NAP1L3: variants seen among roughly 807,000 people sequenced by gnomAD.
NAP1L3 encodes nucleosome assembly protein 1-like 3.
For missense variants in NAP1L3, 378 were observed against 369.9 expected (o/e 1.02, Z -0.18); for synonymous variants, 127 against 131.9 (o/e 0.96, Z 0.25).
chrX:93,673,235 T>G lies in NAP1L3; in HGVS notation c.70A>C (p.Ser24Arg). The change falls in exon 1 of 1, where the codon AGC becomes CGC. Residue 24 changes from serine to arginine, a missense_variant. Ser to Arg is a moderately radical substitution (Grantham distance 110). Transcript: ENST00000373079. ...AHGVAEEEMA[S>R]STSDSGEESD... is the part of the protein sequence containing the mutation. Reference sequence around the variant, plus strand: ...TCTTCCCCAGAATCACTAGTCGAGCTAGCCATCTCCTCTTCGGCAACCCCA... The same window carrying G: ...TCTTCCCCAGAATCACTAGTCGAGCGAGCCATCTCCTCTTCGGCAACCCCA... 1 of 1,210,209 alleles carries G rather than the reference T, an allele frequency of 8.3e-7. No individual in the cohort carries two copies. The highest frequency in any genetic ancestry group is 1.1e-6 in the Non-Finnish European group (1 of 894,371).
rs1001253882 is a variant in NAP1L3, at chrX:93,671,039, C to T, written c.*745G>A. On this transcript the variant is annotated 3_prime_UTR_variant, in exon 1 of 1. Coordinates refer to ENST00000373079, the MANE Select transcript of NAP1L3 (RefSeq NM_004538.6). ...ATTTTCAGTGAAAGGGAAGGTAGAA[C>T]ACAATACAAAGAAAACACGGTATCT... 1.8e-5 allele frequency: 2 copies of T among 111,765 alleles called. No homozygotes were observed. The highest frequency in any genetic ancestry group is 5.6e-4 in the East Asian group (2 of 3,574). The allele number at this position is 111,765 out of a possible 1,213,427, so 9.2% of individuals were successfully genotyped here.
At position 93,671,571 on chromosome X, in the gene NAP1L3, T is replaced by C. The variant is rs1443310791; in HGVS notation, c.*213A>G. ...ACAACAGCTTACATATTTTGAAGAA[T>C]ATTATACTACAACAGCCTAGATAGA... On this transcript the variant is annotated 3_prime_UTR_variant, in exon 1 of 1. Transcript: ENST00000373079. 4.3e-5 allele frequency: 20 copies of C among 460,475 alleles called. No individual in the cohort carries two copies. The highest frequency in any genetic ancestry group is 3.5e-4 in the Admixed American group (7 of 19,900). 37.9% of individuals were successfully genotyped at this position (460,475 alleles called of 1,213,427 possible). A position where few individuals can be genotyped will look rare whatever the true frequency, so the allele number is the denominator to read the frequency against.
Position 93,672,741 on chromosome X carries a change from T to G in NAP1L3, c.564A>C (p.Leu188Phe). 1 of 1,211,067 alleles carries G rather than the reference T, an allele frequency of 8.3e-7. No homozygotes were observed. ...TAGGGTTTTCTTCTTCCTCACCCTC[T>G]AAGGGAGGCATTTCACTAGGGGTGT... ...QDNTPSEMPP[L>F]EGEEEENPKE... Residue 188 changes from leucine to phenylalanine, a missense_variant, in exon 1 of 1, where the codon TTA becomes TTC. Transcript: ENST00000373079.
In NAP1L3 at chrX:93,672,423, A is replaced by G. The variant is rs1291843524; in HGVS notation, c.882T>C (p.Asp294=). 2 of 1,211,493 alleles carry G rather than the reference A, an allele frequency of 1.7e-6. No homozygotes were observed. Among genetic ancestry groups the G allele is most frequent in the Admixed American group, 4.3e-5 (2 of 46,023 alleles). The change falls in exon 1 of 1, where the codon GAT becomes GAC. Residue 294 remains aspartate, a synonymous_variant. Transcript: ENST00000373079. The part of the protein sequence containing the change: ...VPEERLQDSV[D]LKRARKGKPK... ...GCTTTCCCTTCCTAGCTCTTTTAAG[A>G]TCTACACTGTCCTGAAGCCTTTCCT...
At position 93,672,311 on chromosome X, in the gene NAP1L3, A is replaced by G. The variant is rs774610079; in HGVS notation, c.994T>C (p.Tyr332His). 1.2e-5 allele frequency: 15 copies of G among 1,209,638 alleles called. No homozygotes were observed. In the Admixed American group the frequency reaches 3.1e-4, roughly 25 times the overall value. Residue 332 changes from tyrosine (Y) to histidine (H), a missense_variant, in exon 1 of 1, where the codon TAT (tyrosine) becomes CAT (histidine). By Grantham distance (83) the Tyr-to-His change is moderately conservative. Coordinates refer to ENST00000373079, the MANE Select transcript of NAP1L3 (RefSeq NM_004538.6). ...VDKLGPMIQK[Y>H]DEPILKFLSD... ...AAGAACTTCAGAATGGGCTCATCAT[A>G]CTTCTGAATCATAGGCCCGAGCTTG...
chrX:93,673,526 C>A lies in NAP1L3; in HGVS notation c.-222G>T. On this transcript the variant is annotated 5_prime_UTR_variant, in exon 1 of 1. Coordinates refer to ENST00000373079, the MANE Select transcript of NAP1L3 (RefSeq NM_004538.6). ...GGCGACAGCGGTGGCGGCAAGGCCT[C>A]TCCCGGCTGCAGCTAGAGTGCCGAG... 1 of 483,651 alleles carries A rather than the reference C, an allele frequency of 2.1e-6. No individual in the cohort carries two copies. The highest frequency in any genetic ancestry group is 3.3e-6 in the Non-Finnish European group (1 of 301,390). 39.9% of individuals were successfully genotyped at this position (483,651 alleles called of 1,213,427 possible).
rs989726248 is a variant in NAP1L3, at chrX:93,672,757, C to A, written c.548G>T (p.Ser183Ile). 1 of 1,211,127 alleles carries A rather than the reference C, an allele frequency of 8.3e-7. No individual in the cohort carries two copies. The change falls in exon 1 of 1, where the codon AGT becomes ATT. Residue 183 changes from serine (S) to isoleucine (I), a missense_variant. Physicochemically the swap from Ser to Ile is moderately radical, Grantham distance 142. Coordinates refer to ENST00000373079, the MANE Select transcript of NAP1L3 (RefSeq NM_004538.6). The part of the protein sequence containing the change: ...SDEEVQDNTP[S>I]EMPPLEGEEE... Reference sequence around the variant, plus strand: ...CTCACCCTCTAAGGGAGGCATTTCACTAGGGGTGTTATCCTGCACCTCCTC... The same window carrying A: ...CTCACCCTCTAAGGGAGGCATTTCAATAGGGGTGTTATCCTGCACCTCCTC...
rs747599916 is a variant in NAP1L3 at position 93,672,488 on chromosome X, C to T, written c.817G>A (p.Ala273Thr). The change falls in exon 1 of 1, where the codon GCA (alanine) becomes ACA (threonine). Residue 273 changes from alanine (A) to threonine (T), a missense_variant. Physicochemically the swap from Ala to Thr is moderately conservative, Grantham distance 58 (BLOSUM62 0). Coordinates refer to ENST00000373079, the MANE Select transcript of NAP1L3 (RefSeq NM_004538.6). Reference protein sequence around the residue: ...KEQPKATEAKARAAVRETHKR... With the variant: ...KEQPKATEAKTRAAVRETHKR... ...TGAGTCTCTCTTACTGCAGCCCTTG[C>T]CTTAGCCTCTGTTGCTTTAGGCTGT... The T allele has an allele frequency of 1.7e-6, 2 of 1,211,541 alleles. No homozygotes were observed. Among genetic ancestry groups the T allele is most frequent in the South Asian group, 3.5e-5 (2 of 56,956 alleles).
chrX:93,671,116 T>C lies in NAP1L3; in HGVS notation c.*668A>G, dbSNP rs1255877866. 1 of 112,265 alleles carries C rather than the reference T, an allele frequency of 8.9e-6. No homozygotes were observed. Among genetic ancestry groups the C allele is most frequent in the Non-Finnish European group, 1.9e-5 (1 of 53,200 alleles). 9.3% of individuals were successfully genotyped at this position (112,265 alleles called of 1,213,427 possible). A position where few individuals can be genotyped will look rare whatever the true frequency, so the allele number is the denominator to read the frequency against. Reference sequence around the variant, plus strand: ...TGAAGAAACTTTTTCAAAAATACTATGTTATATTAACACCTCAGTGGTAAA... The same window carrying C: ...TGAAGAAACTTTTTCAAAAATACTACGTTATATTAACACCTCAGTGGTAAA... On this transcript the variant is annotated 3_prime_UTR_variant, in exon 1 of 1. Coordinates refer to ENST00000373079, the MANE Select transcript of NAP1L3 (RefSeq NM_004538.6).
At position 93,671,612 on chromosome X, in the gene NAP1L3, G is replaced by A; in HGVS notation, c.*172C>T. On this transcript the variant is annotated 3_prime_UTR_variant, in exon 1 of 1. Transcript: ENST00000373079. ...CCTAGATAGAATAAACTGGCACTTAGACACTTTTTAGGACTATTTTTAAAA... is the reference window on the plus strand; with the variant it reads ...CCTAGATAGAATAAACTGGCACTTAAACACTTTTTAGGACTATTTTTAAAA... 1.3e-6 allele frequency: 1 copy of A among 746,804 alleles called. No individual in the cohort carries two copies. The highest frequency in any genetic ancestry group is 1.8e-6 in the Non-Finnish European group (1 of 546,340). The allele number at this position is 746,804 out of a possible 1,213,427, so 61.5% of individuals were successfully genotyped here.
rs1924461759 is a variant in NAP1L3, at chrX:93,673,508, G to A, written c.-204C>T. ...AGCGGCAGTGGAGGCTTGGGCGACA[G>A]CGGTGGCGGCAAGGCCTCTCCCGGC... is the stretch of plus-strand genomic sequence containing the variant. On this transcript the variant is annotated 5_prime_UTR_variant, in exon 1 of 1. Coordinates refer to ENST00000373079, the MANE Select transcript of NAP1L3 (RefSeq NM_004538.6). 3.3e-6 allele frequency: 2 copies of A among 610,506 alleles called. No individual in the cohort carries two copies. Among genetic ancestry groups the A allele is most frequent in the African/African-American group, 4.7e-5 (2 of 42,554 alleles). 50.3% of individuals were successfully genotyped at this position (610,506 alleles called of 1,213,427 possible).
rs1924344334 is a variant in NAP1L3 at position 93,671,068 on chromosome X, G to A, written c.*716C>T. 1 of 112,008 alleles carries A rather than the reference G, an allele frequency of 8.9e-6. No individual in the cohort carries two copies. Among genetic ancestry groups the A allele is most frequent in the South Asian group, 3.7e-4 (1 of 2,733 alleles). 9.2% of individuals were successfully genotyped at this position (112,008 alleles called of 1,213,427 possible). On this transcript the variant is annotated 3_prime_UTR_variant, in exon 1 of 1. Transcript: ENST00000373079. ...ATACAAAGAAAACACGGTATCTTTA[G>A]TTTACAATTACACAATATAAGATGA... is the stretch of plus-strand genomic sequence containing the variant.
Position 93,671,579 on chromosome X carries a change from T to C in NAP1L3, c.*205A>G, listed in dbSNP as rs1924358068. ...TTACATATTTTGAAGAATATTATAC[T>C]ACAACAGCCTAGATAGAATAAACTG... On this transcript the variant is annotated 3_prime_UTR_variant, in exon 1 of 1. Coordinates refer to ENST00000373079, the MANE Select transcript of NAP1L3 (RefSeq NM_004538.6). 4.0e-6 allele frequency: 2 copies of C among 495,627 alleles called. No homozygotes were observed. The highest frequency in any genetic ancestry group is 6.0e-6 in the Non-Finnish European group (2 of 330,665). 40.8% of individuals were successfully genotyped at this position (495,627 alleles called of 1,213,427 possible). A position where few individuals can be genotyped will look rare whatever the true frequency, so the allele number is the denominator to read the frequency against.
Position 93,673,416 on chromosome X carries a change from C to G in NAP1L3, c.-112G>C. ...GAGGCCCGGGCTGCGGAGGTGGCAG[C>G]GGCGATGGCAGCAGCGGCGCAGAGC... On this transcript the variant is annotated 5_prime_UTR_variant, in exon 1 of 1. Coordinates refer to ENST00000373079, the MANE Select transcript of NAP1L3 (RefSeq NM_004538.6). 9.3e-7 allele frequency: 1 copy of G among 1,079,335 alleles called. No homozygotes were observed. Among genetic ancestry groups the G allele is most frequent in the South Asian group, 2.4e-5 (1 of 41,929 alleles). 88.9% of individuals were successfully genotyped at this position (1,079,335 alleles called of 1,213,427 possible). A position where few individuals can be genotyped will look rare whatever the true frequency, so the allele number is the denominator to read the frequency against.
At position 93,673,081 on chromosome X, in the gene NAP1L3, T is replaced by C. The variant is rs149908317; in HGVS notation, c.224A>G (p.Tyr75Cys). 5 of 1,207,728 alleles carry C rather than the reference T, an allele frequency of 4.1e-6. No individual in the cohort carries two copies. In the African/African-American group the frequency reaches 5.3e-5, roughly 13 times the overall value. ...SGSTSSRSRLYRKKRVPEPSR... is the reference protein window; with the variant it reads ...SGSTSSRSRLCRKKRVPEPSR... ...AGGCTCAGGTACCCTCTTCTTTCTA[T>C]ACAAGCGGCTGCGGCTGCTAGTGCT... is the stretch of plus-strand genomic sequence containing the variant. Residue 75 changes from tyrosine to cysteine, a missense_variant, in exon 1 of 1, where the codon TAT becomes TGT. Physicochemically the swap from Tyr to Cys is radical, Grantham distance 194 (BLOSUM62 -2). Coordinates refer to ENST00000373079, the MANE Select transcript of NAP1L3 (RefSeq NM_004538.6).
chrX:93,670,938 G>A lies in NAP1L3; in HGVS notation c.*846C>T, dbSNP rs1004454674. 1 of 111,405 alleles carries A rather than the reference G, an allele frequency of 9.0e-6. No individual in the cohort carries two copies. The highest frequency in any genetic ancestry group is 1.9e-5 in the Non-Finnish European group (1 of 53,131). 9.2% of individuals were successfully genotyped at this position (111,405 alleles called of 1,213,427 possible). On this transcript the variant is annotated 3_prime_UTR_variant, in exon 1 of 1. Coordinates refer to ENST00000373079, the MANE Select transcript of NAP1L3 (RefSeq NM_004538.6). ...CAGGAGAAAAGGCTAGATTTTTATA[G>A]TATAACACACTTTAATATTTATTTA...
At position 93,672,209 on chromosome X, in the gene NAP1L3, G is replaced by A; in HGVS notation, c.1096C>T (p.Pro366Ser). The change falls in exon 1 of 1, where the codon CCA (proline) becomes TCA (serine). Residue 366 changes from proline (P) to serine (S), a missense_variant. By Grantham distance (74) the Pro-to-Ser change is moderately conservative. Coordinates refer to ENST00000373079, the MANE Select transcript of NAP1L3 (RefSeq NM_004538.6). Reference sequence around the variant, plus strand: ...ACCAGCACCTCATTTCTGAAGTATGGGTTGGGTAGAAAATGAAATTCAAAG... The same window carrying A: ...ACCAGCACCTCATTTCTGAAGTATGAGTTGGGTAGAAAATGAAATTCAAAG... The part of the protein sequence containing the change: ...YTFEFHFLPN[P>S]YFRNEVLVKT... 1 of 1,211,581 alleles carries A rather than the reference G, an allele frequency of 8.3e-7. No homozygotes were observed. The highest frequency in any genetic ancestry group is 1.1e-6 in the Non-Finnish European group (1 of 895,502).
chrX:93,673,403 G>A lies in NAP1L3; in HGVS notation c.-99C>T. ...AGTGGCGGCGGCGGAGGCCCGGGCT[G>A]CGGAGGTGGCAGCGGCGATGGCAGC... On this transcript the variant is annotated 5_prime_UTR_variant, in exon 1 of 1. Transcript: ENST00000373079. 1 of 1,107,457 alleles carries A rather than the reference G, an allele frequency of 9.0e-7. No individual in the cohort carries two copies. The highest frequency in any genetic ancestry group is 2.3e-5 in the South Asian group (1 of 43,346). 91.3% of individuals were successfully genotyped at this position (1,107,457 alleles called of 1,213,427 possible).
chrX:93,671,526 T>C lies in NAP1L3; in HGVS notation c.*258A>G. 3.3e-6 allele frequency: 1 copy of C among 298,955 alleles called. No homozygotes were observed. Among genetic ancestry groups the C allele is most frequent in the Non-Finnish European group, 5.6e-6 (1 of 179,339 alleles). The allele number at this position is 298,955 out of a possible 1,213,427, so 24.6% of individuals were successfully genotyped here. A position where few individuals can be genotyped will look rare whatever the true frequency, so the allele number is the denominator to read the frequency against. On this transcript the variant is annotated 3_prime_UTR_variant, in exon 1 of 1. Transcript: ENST00000373079. ...AAATCAACACTGTGTAGCACCAAAC[T>C]AACATGCTTTAGATAATTGACAACA...
Sources: allele counts gnomAD v4.1 joint callset, GRCh38; gene constraint gnomAD v4.1.1; transcripts MANE v1.5; gene names NCBI Gene and HGNC (gene_info 2026-07-23, HGNC 2026-07-21).